TASP1: variants seen among roughly 807,000 people sequenced by gnomAD.
TASP1 encodes the protein threonine aspartase 1.
TASP1 carries 16 observed loss-of-function variants against 56.6 expected under a neutral mutation model. That is an observed-to-expected ratio of 0.28 (90% confidence interval 0.19 to 0.43). The LOEUF (loss-of-function observed/expected upper bound fraction) is 0.43. Ranked by LOEUF, TASP1 falls within the 20% of genes least tolerant of loss-of-function variation. The probability of loss-of-function intolerance (pLI) is 1.00; values close to 1 mark genes in which losing one functional copy is unlikely to be tolerated. For missense variants in TASP1, 393 were observed against 511.6 expected (o/e 0.77, Z 2.24); for synonymous variants, 179 against 184.2 (o/e 0.97, Z 0.23).
the TASP1 span, among the ~76,000 whole-genome samples, chr20:13,197,048 C>A: frequency 7.2e-5 from 11 of 152,298 alleles, no homozygotes; most frequent in East Asian, 2.1e-3. Flanking sequence ...GTCTGTTTTC[C>A]TGAGAGCTCC....
At chr20:13,398,164 A>C (rs2041611968) in intron 13 of TASP1, among the ~76,000 whole-genome samples, 1 of 152,186 alleles carries the variant, frequency 6.6e-6, no homozygotes, top group Non-Finnish European at 1.5e-5. Flanking sequence ...TTTCCTGAGA[A>C]TCTCAGTTAA....
chr20:13,361,595 T>C, the TASP1 span, among the ~76,000 whole-genome samples: 1 of 152,212 alleles, frequency 6.6e-6, no homozygotes, highest in African/African-American at 2.4e-5. Context: ...AGCTCCTGTA[T>C]AGACGCCTTT....
chr20:13,316,863 AAGATTAGGT>A, the TASP1 span, among the ~76,000 whole-genome samples: 2 of 151,950 alleles, frequency 1.3e-5, no homozygotes, highest in Non-Finnish European at 2.9e-5. Context: ...CTTTCCCACT[AAGATTAGGT>A]ACAAAGCAAA....
chr20:13,174,159 A>G, the TASP1 span, among the ~76,000 whole-genome samples: 1 of 152,170 alleles, frequency 6.6e-6, no homozygotes. Flanking sequence ...GTAGGTTCTC[A>G]CCTTGTAGAA....
downstream of TASP1, chr20:13,389,369 C>T (rs1360078296): frequency 1.3e-5 from 2 of 152,042 alleles, no homozygotes; most frequent in Non-Finnish European, 2.9e-5. Context: ...ATTTTATAAA[C>T]AAAATAAATA....
At chr20:13,528,336 A>G in intron 10 of TASP1, 97 bp downstream of exon 10, 1 of 1,042,024 alleles carries the variant, frequency 9.6e-7, no homozygotes, top group Non-Finnish European at 1.4e-6. Context: ...ACACTGTCAT[A>G]GCACATGTTC....
Position 13,481,732 on chromosome 20 carries a change from G to A in TASP1, c.985+1495C>T, listed in dbSNP as rs540094690. Among the ~76,000 whole-genome samples the A allele has an allele frequency of 6.2e-4, 94 of 152,256 alleles. 2 individuals are homozygous for A. The South Asian group carries it at 0.018, about 29-fold the overall frequency. ...ATTTTTATGTCTTCATTTGAGAAAT[G>A]TCTGTTCAAATCTTTTGCCCATTTT... On this transcript the variant is annotated intron_variant, in intron 11 of 13. Coordinates refer to ENST00000337743, the MANE Select transcript of TASP1 (RefSeq NM_017714.3).
At chr20:13,232,940 G>A in the TASP1 span, among the ~76,000 whole-genome samples, 5 of 151,910 alleles carry the variant, frequency 3.3e-5, no homozygotes, top group Non-Finnish European at 7.4e-5. Flanking sequence ...CATGGGTCTC[G>A]ATTCTCCAAG....
chr20:13,400,538 A>T (rs532181793), intron 13 of TASP1, among the ~76,000 whole-genome samples: 1 of 152,194 alleles, frequency 6.6e-6, no homozygotes, highest in Non-Finnish European at 1.5e-5. Context: ...AAGTACTCTG[A>T]GCATCTCCTA....
chr20:13,381,917 G>A, the TASP1 span, among the ~76,000 whole-genome samples: 1 of 152,212 alleles, frequency 6.6e-6, no homozygotes, highest in Non-Finnish European at 1.5e-5. Flanking sequence ...CTTTCCTGGG[G>A]TTGAGTCTCT....
At chr20:13,360,213 A>G in the TASP1 span, among the ~76,000 whole-genome samples, 6 of 151,520 alleles carry the variant, frequency 4.0e-5, no homozygotes, top group East Asian at 1.2e-3. Flanking sequence ...TGCTTTCTTT[A>G]CTATTCCTTT....
intron 10 of TASP1, among the ~76,000 whole-genome samples, chr20:13,486,479 G>GAGC (rs2043322531): frequency 6.6e-6 from 1 of 152,122 alleles, no homozygotes; most frequent in Admixed American, 6.6e-5. Context: ...ACCTTTGGAG[G>GAGC]ATGCTATGAA....
At chr20:13,117,389 C>A in the TASP1 span, 1 of 998,144 alleles carries the variant, frequency 1.0e-6, no homozygotes, top group Non-Finnish European at 1.4e-6. Context: ...AACATGCCTT[C>A]AGAACAAAGG....
intron 8 of TASP1, among the ~76,000 whole-genome samples, chr20:13,535,951 T>C (rs2045400552): frequency 6.6e-6 from 1 of 152,204 alleles, no homozygotes; most frequent in African/African-American, 2.4e-5. Context: ...AGTACGGAAA[T>C]GCATTAAAAA....
intron 8 of TASP1, among the ~76,000 whole-genome samples, chr20:13,542,412 T>C (rs952308036): frequency 6.6e-6 from 1 of 152,166 alleles, no homozygotes; most frequent in African/African-American, 2.4e-5. Flanking sequence ...CAACAAATCA[T>C]ACTCCACAAT....
At chr20:13,159,931 T>G in the TASP1 span, 2 of 1,446,896 alleles carry the variant, frequency 1.4e-6, no homozygotes, top group South Asian at 3.2e-5. Context: ...GCCATATTCC[T>G]TTTTTGTCAG....
At chr20:13,433,117 C>T (rs975258331) in intron 12 of TASP1, among the ~76,000 whole-genome samples, 1 of 152,088 alleles carries the variant, frequency 6.6e-6, no homozygotes, top group African/African-American at 2.4e-5. Flanking sequence ...CTAATGCTAT[C>T]CGTCACCTAG....
chr20:13,142,619 A>G, the TASP1 span, among the ~76,000 whole-genome samples: 2 of 152,184 alleles, frequency 1.3e-5, no homozygotes, highest in African/African-American at 4.8e-5. Context: ...TGAATATATC[A>G]GTTTCCTTGG....
intron 10 of TASP1, among the ~76,000 whole-genome samples, chr20:13,521,249 T>C (rs2044740935): frequency 6.6e-6 from 1 of 152,128 alleles, no homozygotes; most frequent in Non-Finnish European, 1.5e-5. Context: ...AGAAATACCA[T>C]TTGACCCAGC....
Sources: gnomAD v4.1 joint callset for allele counts (sites outside exome capture counted in the v4.1 genomes callset) on GRCh38, gnomAD v4.1.1 for gene constraint, MANE v1.5 for transcripts, NCBI Gene and HGNC (gene_info 2026-07-23, HGNC 2026-07-21) for gene names.